Variants in SH3BGRL2 observed in about 807,000 individuals in gnomAD.
SH3BGRL2 encodes SH3 domain binding glutamate rich protein like 2.
A neutral mutation model predicts 14.8 loss-of-function variants in SH3BGRL2; 21 were observed. That is an observed-to-expected ratio of 1.42 (90% CI 1.01 to 2.05). SH3BGRL2 has a LOEUF of 2.05. Among genes scored for constraint, SH3BGRL2 ranks in the 30% most tolerant of loss-of-function variants. The pLI is 0.00. For synonymous variants in SH3BGRL2, 50 were observed against 47.8 expected, an observed-to-expected ratio of 1.05 and a Z score of -0.19; for missense variants, 147 against 130.8, an observed-to-expected ratio of 1.12 and a Z score of -0.61.
At chr6:79,693,551 A>C (rs969554923) in intron 2 of SH3BGRL2, among the ~76,000 whole-genome samples, 2 of 151,664 alleles carry the variant, frequency 1.3e-5, no homozygotes, top group Non-Finnish European at 2.9e-5. Flanking sequence ...TAATTTATTG[A>C]GAGTTTTTAG....
the SH3BGRL2 span, among the ~76,000 whole-genome samples, chr6:79,606,327 A>G: frequency 6.6e-6 from 1 of 152,158 alleles, no homozygotes; most frequent in African/African-American, 2.4e-5. Context: ...TCATAAACAC[A>G]CCTATAGCTA....
At chr6:79,616,792 T>C in the SH3BGRL2 span, among the ~76,000 whole-genome samples, 2 of 152,140 alleles carry the variant, frequency 1.3e-5, no homozygotes, top group African/African-American at 4.8e-5. Context: ...CATGCTGCCC[T>C]TGTTGTTTTG....
chr6:79,612,383 A>G, the SH3BGRL2 span, among the ~76,000 whole-genome samples: 2 of 152,194 alleles, frequency 1.3e-5, no homozygotes, highest in Non-Finnish European at 2.9e-5. Context: ...TATTCTCCCA[A>G]TTATACCCTA....
chr6:79,550,523 G>A, the SH3BGRL2 span, among the ~76,000 whole-genome samples: 24,031 of 151,846 alleles, frequency 0.16, 2,107 homozygotes, highest in South Asian at 0.22. Flanking sequence ...AGATTAAAAC[G>A]AAAAGAAGAA....
chr6:79,547,098 CT>C, the SH3BGRL2 span, among the ~76,000 whole-genome samples: 1 of 152,088 alleles, frequency 6.6e-6, no homozygotes, highest in Non-Finnish European at 1.5e-5. Context: ...TGTTTCTAGT[CT>C]AGAAATTTCT....
chr6:79,695,238 T>C (rs964343867), intron 2 of SH3BGRL2, among the ~76,000 whole-genome samples: 3 of 152,202 alleles, frequency 2.0e-5, no homozygotes, highest in Admixed American at 6.5e-5. Context: ...CCTTCTTGGC[T>C]TGGTCAAGGA....
the SH3BGRL2 span, among the ~76,000 whole-genome samples, chr6:79,597,136 A>G: frequency 5.9e-5 from 9 of 152,064 alleles, no homozygotes; most frequent in African/African-American, 2.2e-4. Context: ...AAGCTGAGGC[A>G]CAAGAATCGC....
chr6:79,661,096 G>T (rs1769537185), intron 1 of SH3BGRL2, among the ~76,000 whole-genome samples: 1 of 152,018 alleles, frequency 6.6e-6, no homozygotes, highest in Non-Finnish European at 1.5e-5. Flanking sequence ...TGGATTCATT[G>T]ATTTTTTGAA....
the SH3BGRL2 span, among the ~76,000 whole-genome samples, chr6:79,545,233 A>T: frequency 6.6e-6 from 1 of 152,096 alleles, no homozygotes. Context: ...TGTGGCGCTG[A>T]TGCAGCTCCC....
chr6:79,584,321 G>A, the SH3BGRL2 span, among the ~76,000 whole-genome samples: 8 of 152,116 alleles, frequency 5.3e-5, no homozygotes, highest in Non-Finnish European at 1.0e-4. Flanking sequence ...TTCATGTACC[G>A]GTGAGCATGC....
At chr6:79,632,070 C>A (rs1235426814) in intron 1 of SH3BGRL2, among the ~76,000 whole-genome samples, 2 of 152,160 alleles carry the variant, frequency 1.3e-5, no homozygotes, top group Admixed American at 6.5e-5. Flanking sequence ...TGTTTGCTTT[C>A]ACTGTCATTT....
the SH3BGRL2 span, among the ~76,000 whole-genome samples, chr6:79,541,841 T>C: frequency 6.6e-6 from 1 of 152,340 alleles, no homozygotes; most frequent in Non-Finnish European, 1.5e-5. Flanking sequence ...TCAAATAGGT[T>C]CATAGATCAG....
chr6:79,631,725 C>T (rs1199528805), intron 1 of SH3BGRL2, among the ~76,000 whole-genome samples: 1 of 152,208 alleles, frequency 6.6e-6, no homozygotes, highest in Non-Finnish European at 1.5e-5. Context: ...CCCTGCGTGG[C>T]CTGAAAGGCA....
At chr6:79,576,357 G>A in the SH3BGRL2 span, among the ~76,000 whole-genome samples, 1 of 152,012 alleles carries the variant, frequency 6.6e-6, no homozygotes, top group South Asian at 2.1e-4. Flanking sequence ...ATTTGTTAGT[G>A]GTAAAGGCTC....
the SH3BGRL2 span, among the ~76,000 whole-genome samples, chr6:79,586,196 CAA>C: frequency 1.6e-4 from 8 of 50,816 alleles, no homozygotes; most frequent in Non-Finnish European, 2.3e-4. Flanking sequence ...AACTCTGTCT[CAA>C]AAAAAAAAAA....
intron 1 of SH3BGRL2, among the ~76,000 whole-genome samples, chr6:79,645,139 A>C (rs1769114567): frequency 7.2e-6 from 1 of 138,254 alleles, no homozygotes; most frequent in Non-Finnish European, 1.5e-5. Context: ...CTCCAGACAG[A>C]GTGAGAGTCC....
At chr6:79,538,645 G>A in the SH3BGRL2 span, among the ~76,000 whole-genome samples, 1 of 152,210 alleles carries the variant, frequency 6.6e-6, no homozygotes, top group Non-Finnish European at 1.5e-5. Flanking sequence ...ACATGTAAAT[G>A]TATGGGTGGA....
chr6:79,693,911 A>G (rs1770279429), intron 2 of SH3BGRL2, among the ~76,000 whole-genome samples: 3 of 152,180 alleles, frequency 2.0e-5, no homozygotes, highest in Non-Finnish European at 4.4e-5. Context: ...AAAAATTGAG[A>G]GGCTTAAGGG....
chr6:79,634,048 T>G (rs1391915574), intron 1 of SH3BGRL2, among the ~76,000 whole-genome samples: 1 of 152,208 alleles, frequency 6.6e-6, no homozygotes, highest in Non-Finnish European at 1.5e-5. Context: ...TCAGTTTGGT[T>G]TTAGCTGAAG....
Sources: gnomAD v4.1 joint callset for allele counts (sites outside exome capture counted in the v4.1 genomes callset) on GRCh38, gnomAD v4.1.1 for gene constraint, MANE v1.5 for transcripts, NCBI Gene and HGNC (gene_info 2026-07-23, HGNC 2026-07-21) for gene names.